TRMT9B: variants seen among roughly 807,000 people sequenced by gnomAD.
TRMT9B encodes the protein probable tRNA methyltransferase 9B.
Under a neutral mutation model 11.5 loss-of-function variants are expected in TRMT9B, and 16 were observed. The observed-to-expected ratio is 1.39, with a 90% CI of 0.94 to 2.11. The LOEUF is 2.11. Among genes scored for constraint, TRMT9B ranks in the 30% most tolerant of loss-of-function variants. The pLI is 0.00. For synonymous variants in TRMT9B, 274 were observed against 192.4 expected (o/e 1.42, Z -3.51); for missense variants, 941 against 553.8 (o/e 1.70, Z -7.02).
intron 3 of TRMT9B, chr8:13,012,454 G>A (rs1019903424): frequency 1.4e-5 from 7 of 495,816 alleles, no homozygotes; most frequent in African/African-American, 1.2e-4. Context: ...ACGCGCCTAT[G>A]ATCCCACCTA....
rs566606085 is a variant in TRMT9B, at chr8:12,959,359, A to T, written c.-200+13393A>T. Among the ~76,000 whole-genome samples, 73 of 152,296 alleles carry T rather than the reference A, an allele frequency of 4.8e-4. 1 individual carries two copies. The highest frequency in any genetic ancestry group is 1.6e-3 in the African/African-American group (67 of 41,562). On this transcript the variant is annotated intron_variant, in intron 1 of 4. Transcript: ENST00000524591. The stretch of plus-strand genomic sequence containing the variant: ...TTTGTTTCATGCGTACAATTATTTC[A>T]AAAGATTGTATAAAATTACCTTCAG...
chr8:12,982,070 G>A (rs1241297918), intron 1 of TRMT9B, among the ~76,000 whole-genome samples: 1 of 152,128 alleles, frequency 6.6e-6, no homozygotes, highest in East Asian at 1.9e-4. Flanking sequence ...TACAATATCT[G>A]TATCTATCTA....
chr8:12,992,682 T>C (rs1368891138), intron 2 of TRMT9B, among the ~76,000 whole-genome samples: 1 of 151,124 alleles, frequency 6.6e-6, no homozygotes, highest in African/African-American at 2.4e-5. Context: ...TGAAAACCCA[T>C]CTCTACTAAA....
At chr8:13,004,397 C>A (rs1375730055) in intron 2 of TRMT9B, among the ~76,000 whole-genome samples, 5 of 151,676 alleles carry the variant, frequency 3.3e-5, no homozygotes, top group Non-Finnish European at 1.5e-5. Flanking sequence ...CTCCTGGCTC[C>A]AAAAGAGCCC....
intron 1 of TRMT9B, among the ~76,000 whole-genome samples, chr8:12,976,977 A>T (rs1017217563): frequency 6.6e-6 from 1 of 152,180 alleles, no homozygotes; most frequent in South Asian, 2.1e-4. Flanking sequence ...ATGCCTGCTC[A>T]TGCCCCAGAT....
At chr8:13,020,038 G>T (rs1813521832) in intron 4 of TRMT9B, among the ~76,000 whole-genome samples, 1 of 152,212 alleles carries the variant, frequency 6.6e-6, no homozygotes, top group East Asian at 1.9e-4. Flanking sequence ...CCCCATTTTT[G>T]ATATTTAATA....
chr8:12,952,731 T>A, intron 1 of TRMT9B: 1 of 969,048 alleles, frequency 1.0e-6, no homozygotes, highest in Non-Finnish European at 1.2e-6. Context: ...TATTACTTGC[T>A]ATGTGTGGGG....
intron 2 of TRMT9B, among the ~76,000 whole-genome samples, chr8:12,997,462 G>C (rs1233217857): frequency 2.0e-5 from 3 of 152,136 alleles, no homozygotes; most frequent in African/African-American, 7.2e-5. Context: ...GTAGAACCAT[G>C]AACCAAACAA....
intron 2 of TRMT9B, among the ~76,000 whole-genome samples, chr8:12,992,161 G>C (rs551158084): frequency 1.4e-4 from 21 of 152,276 alleles, no homozygotes; most frequent in African/African-American, 5.1e-4. Context: ...TAATTATTGA[G>C]TGATGCTCTG....
intron 4 of TRMT9B, among the ~76,000 whole-genome samples, chr8:13,015,656 A>C (rs1812513555): frequency 6.6e-6 from 1 of 152,088 alleles, no homozygotes; most frequent in Non-Finnish European, 1.5e-5. Flanking sequence ...GCCCAGGCTA[A>C]ATTCCTTGTA....
chr8:12,965,441 C>T (rs958915713), intron 1 of TRMT9B, among the ~76,000 whole-genome samples: 1 of 152,188 alleles, frequency 6.6e-6, no homozygotes, highest in African/African-American at 2.4e-5. Context: ...AGCCAGAAGA[C>T]ATGGTGTGGC....
At position 13,021,697 on chromosome 8, in the gene TRMT9B, G is replaced by C. The variant is rs1290868520; in HGVS notation, c.1018G>C (p.Glu340Gln). 3 of 1,613,964 alleles carry C rather than the reference G, an allele frequency of 1.9e-6. No individual in the cohort carries two copies. Among genetic ancestry groups the C allele is most frequent in the Non-Finnish European group, 2.5e-6 (3 of 1,179,888 alleles). Residue 340 changes from glutamate to glutamine, a missense_variant, in exon 5 of 5, where the codon GAA (glutamate) becomes CAA (glutamine). Glu to Gln is a conservative substitution (Grantham distance 29). Coordinates refer to ENST00000524591, the MANE Select transcript of TRMT9B (RefSeq NM_020844.3). ...ACATTTAAATGGAGACCATCAAGGG[G>C]AAATGAGGAGAAATGGAGGGGGAAA... Reference protein sequence around the residue: ...LKHLNGDHQGEMRRNGGGNFL... With the variant: ...LKHLNGDHQGQMRRNGGGNFL...
intron 1 of TRMT9B, chr8:12,951,613 C>T (rs1296363383): frequency 6.6e-6 from 1 of 152,240 alleles, no homozygotes. Context: ...CCGCCGCGCG[C>T]CAGCCCGCCT....
chr8:12,983,354 T>G (rs1240350553), intron 1 of TRMT9B, among the ~76,000 whole-genome samples: 3 of 152,020 alleles, frequency 2.0e-5, no homozygotes. Context: ...GGCAGGTGAC[T>G]CTGGAGGAAA....
chr8:12,983,669 C>T (rs1585200646), intron 1 of TRMT9B, among the ~76,000 whole-genome samples: 1 of 152,104 alleles, frequency 6.6e-6, no homozygotes, highest in Non-Finnish European at 1.5e-5. Flanking sequence ...GACGCCGTCT[C>T]AAAATAATAA....
At chr8:12,953,545 A>T (rs1418742859) in intron 1 of TRMT9B, among the ~76,000 whole-genome samples, 1 of 151,520 alleles carries the variant, frequency 6.6e-6, no homozygotes, top group East Asian at 1.9e-4. Flanking sequence ...AGAGAGGGGG[A>T]TTTCACCTTG....
intron 4 of TRMT9B, among the ~76,000 whole-genome samples, chr8:13,020,693 G>A (rs796813172): frequency 7.2e-5 from 11 of 152,180 alleles, no homozygotes; most frequent in African/African-American, 2.4e-4. Flanking sequence ...TAGTATTTTG[G>A]AACTGGAAGA....
At chr8:12,965,022 A>T (rs1802627952) in intron 1 of TRMT9B, among the ~76,000 whole-genome samples, 1 of 152,218 alleles carries the variant, frequency 6.6e-6, no homozygotes, top group Admixed American at 6.5e-5. Flanking sequence ...CAGACTTAAT[A>T]ACCCCTCCCA....
chr8:13,027,656 A>T lies in TRMT9B; in HGVS notation c.*5612A>T, dbSNP rs892269467. 2 of 167,070 alleles carry T rather than the reference A, an allele frequency of 1.2e-5. No individual in the cohort carries two copies. Among genetic ancestry groups the T allele is most frequent in the Non-Finnish European group, 2.9e-5 (2 of 68,116 alleles). The allele number at this position is 167,070 out of a possible 1,614,324, so 10.3% of individuals were successfully genotyped here. A position where few individuals can be genotyped will look rare whatever the true frequency, so the allele number is the denominator to read the frequency against. On this transcript the variant is annotated 3_prime_UTR_variant, in exon 5 of 5. Transcript: ENST00000524591. The stretch of plus-strand genomic sequence containing the variant: ...ATGACAAGTAATTCCCACATTCCCT[A>T]GATATATACTTGGATTTCAAATGCC...
Sources: gnomAD v4.1 joint callset for allele counts (sites outside exome capture counted in the v4.1 genomes callset) on GRCh38, gnomAD v4.1.1 for gene constraint, MANE v1.5 for transcripts, NCBI Gene and HGNC (gene_info 2026-07-23, HGNC 2026-07-21) for gene names.